Variants in ABI1 observed in about 807,000 individuals in gnomAD.
ABI1 encodes the protein Abelson interactor 1.
Under a neutral mutation model 54.6 loss-of-function variants are expected in ABI1, and 14 were observed. The ratio of observed to expected loss-of-function variants is 0.26; its 90% CI spans 0.17 to 0.40. The LOEUF is 0.40. Among genes scored for constraint, ABI1 ranks in the 10% least tolerant of loss-of-function variants. The pLI is 1.00. For missense variants in ABI1, 443 were observed against 598.3 expected (o/e 0.74, Z 2.71); for synonymous variants, 194 against 209.3 (o/e 0.93, Z 0.63).
At chr10:26,795,895 C>T (rs887827174) in intron 2 of ABI1, among the ~76,000 whole-genome samples, 16 of 152,116 alleles carry the variant, frequency 1.1e-4, no homozygotes, top group African/African-American at 3.4e-4. Context: ...AAAAAACAAT[C>T]CTAAAATCCA....
At chr10:26,817,267 T>C (rs2047634725) in intron 2 of ABI1, among the ~76,000 whole-genome samples, 1 of 152,140 alleles carries the variant, frequency 6.6e-6, no homozygotes, top group Admixed American at 6.6e-5. Context: ...CCCAAAGTGC[T>C]GGGATTACAG....
intron 2 of ABI1, among the ~76,000 whole-genome samples, chr10:26,816,759 A>C (rs1383650312): frequency 6.6e-6 from 1 of 152,080 alleles, no homozygotes; most frequent in African/African-American, 2.4e-5. Context: ...TGTTTTGACA[A>C]AAAATTTTAC....
rs1837144070 is a variant in ABI1 at position 26,748,140 on chromosome 10, A to G, written c.*430T>C. On this transcript the variant is annotated 3_prime_UTR_variant, in exon 11 of 11. Transcript: ENST00000376140. ...GCTTTAAACAAACAGTATTTTTTTTAAATGAGAGAATCTAACAAAAAAAGT... is the reference window on the plus strand; with the variant it reads ...GCTTTAAACAAACAGTATTTTTTTTGAATGAGAGAATCTAACAAAAAAAGT... The G allele has an allele frequency of 4.6e-6, 1 of 216,706 alleles. No individual in the cohort carries two copies. The highest frequency in any genetic ancestry group is 9.3e-6 in the Non-Finnish European group (1 of 107,930). The allele number at this position is 216,706 out of a possible 1,614,324, so 13.4% of individuals were successfully genotyped here.
At chr10:26,748,883 A>G (rs1837254391) in intron 10 of ABI1, 138 bp from the exon 11 acceptor site, 2 of 679,746 alleles carry the variant, frequency 2.9e-6, no homozygotes, top group Non-Finnish European at 4.9e-6. Flanking sequence ...ATCTATCAAT[A>G]TAAGTAGGTC....
chr10:26,753,103 A>G (rs989687013), intron 9 of ABI1, among the ~76,000 whole-genome samples: 1 of 152,168 alleles, frequency 6.6e-6, no homozygotes, highest in Non-Finnish European at 1.5e-5. Context: ...GGTTTAAAAT[A>G]TTTGCAGATA....
Position 26,853,312 on chromosome 10 carries a change from T to TA in ABI1, c.117+7434dup, listed in dbSNP as rs370875442. Among the ~76,000 whole-genome samples the TA allele has an allele frequency of 2.4e-3, 342 of 143,064 alleles. 4 individuals carry two copies. The highest frequency in any genetic ancestry group is 7.2e-3 in the South Asian group (33 of 4,580). The allele number at this position is 143,064 out of a possible 152,430, so 93.9% of individuals were successfully genotyped here. ...TCTCAACAATGCCCTTTTTTTTTTT[T>TA]AAAAAAAATCCCTTTTTTCTAACAT... On this transcript the variant is annotated intron_variant, in intron 1 of 10. Coordinates refer to ENST00000376140, the MANE Select transcript of ABI1 (RefSeq NM_001012750.3).
In ABI1 at chr10:26,860,469, C is replaced by T. The variant is rs1386177578; in HGVS notation, c.117+278G>A. 2.0e-5 allele frequency among the ~76,000 whole-genome samples: 3 copies of T among 152,202 alleles called. No homozygotes were observed. The highest frequency in any genetic ancestry group is 4.4e-5 in the Non-Finnish European group (3 of 68,034). On this transcript the variant is annotated intron_variant, in intron 1 of 10. Transcript: ENST00000376140. The surrounding 1 kb of genome is among the most constrained non-coding windows in gnomAD (Gnocchi z 4.1). Reference sequence around the variant, plus strand: ...GGGGAAGCGGACGCGAGGGGGGCGCCGGGCTGCGGCAGCGGCGGGCTCCCG... The same window carrying T: ...GGGGAAGCGGACGCGAGGGGGGCGCTGGGCTGCGGCAGCGGCGGGCTCCCG...
chr10:26,832,237 C>CATGAA (rs1338878331), intron 1 of ABI1, among the ~76,000 whole-genome samples: 1 of 152,118 alleles, frequency 6.6e-6, no homozygotes, highest in Non-Finnish European at 1.5e-5. Context: ...TACTAGAATT[C>CATGAA]ATGAAATACA....
intron 1 of ABI1, among the ~76,000 whole-genome samples, chr10:26,829,825 G>A (rs895669442): frequency 5.3e-5 from 8 of 152,064 alleles, no homozygotes; most frequent in African/African-American, 1.7e-4. Context: ...TCTTGGATGA[G>A]GAAGGGAGGT....
intron 1 of ABI1, among the ~76,000 whole-genome samples, chr10:26,852,599 G>A (rs891358743): frequency 2.9e-4 from 44 of 152,110 alleles, no homozygotes; most frequent in Non-Finnish European, 4.3e-4. Flanking sequence ...TTTAAGTGGA[G>A]GGCATTAATT....
rs1372175443 is a variant in ABI1, at chr10:26,747,079, G to A, written c.*1491C>T. On this transcript the variant is annotated 3_prime_UTR_variant, in exon 11 of 11. Coordinates refer to ENST00000376140, the MANE Select transcript of ABI1 (RefSeq NM_001012750.3). ...GCATATGAAATAGTCACATTGATTTGGTAGCAATAATGGTCTTTAATTTTC... is the reference window on the plus strand; with the variant it reads ...GCATATGAAATAGTCACATTGATTTAGTAGCAATAATGGTCTTTAATTTTC... The A allele has an allele frequency of 4.4e-6, 1 of 228,368 alleles. No individual in the cohort carries two copies. The highest frequency in any genetic ancestry group is 8.7e-6 in the Non-Finnish European group (1 of 115,062). The allele number at this position is 228,368 out of a possible 1,614,324, so 14.1% of individuals were successfully genotyped here. A position where few individuals can be genotyped will look rare whatever the true frequency, so the allele number is the denominator to read the frequency against.
chr10:26,751,804 G>C lies in ABI1; in HGVS notation c.1085-21C>G, dbSNP rs1397589383. 4 of 1,573,632 alleles carry C rather than the reference G, an allele frequency of 2.5e-6. No homozygotes were observed. In the Admixed American group the frequency reaches 5.6e-5, roughly 22 times the overall value. On this transcript the variant is annotated intron_variant, in intron 9 of 10. Transcript: ENST00000376140. ...AGCAACTAAAAAGATTCATATGATT[G>C]ATTTGAATCAAAAATAAGTCTAGAT...
intron 1 of ABI1, chr10:26,839,663 A>C: frequency 1.7e-6 from 1 of 574,348 alleles, no homozygotes; most frequent in Non-Finnish European, 3.0e-6. Context: ...AAAAAAAAAA[A>C]AAACATGCCA....
chr10:26,823,022 T>C, intron 2 of ABI1, 116 bp downstream of exon 2: 1 of 911,068 alleles, frequency 1.1e-6, no homozygotes, highest in Non-Finnish European at 1.7e-6. Context: ...TAAAACAGTG[T>C]TAATGATTAT....
chr10:26,796,534 CG>C lies in ABI1; in HGVS notation c.286-19294del, dbSNP rs369439664. ...CAGTAGGCTGTACTATCTAGGTTTG[CG>C]TAAGTACACTCTATGATGTTCACAC... is the stretch of plus-strand genomic sequence containing the variant. On this transcript the variant is annotated intron_variant, in intron 2 of 10. Coordinates refer to ENST00000376140, the MANE Select transcript of ABI1 (RefSeq NM_001012750.3). Among the ~76,000 whole-genome samples, 539 of 152,156 alleles carry C rather than the reference CG, an allele frequency of 3.5e-3. 2 individuals carry two copies. The highest frequency in any genetic ancestry group is 0.01 in the Middle Eastern group (3 of 294).
chr10:26,830,274 C>T (rs1020855035), intron 1 of ABI1, among the ~76,000 whole-genome samples: 1 of 151,820 alleles, frequency 6.6e-6, no homozygotes, highest in Non-Finnish European at 1.5e-5. Flanking sequence ...TTGGGTAATA[C>T]CTAAAGATAC....
chr10:26,759,733 C>T (rs1053275511), intron 7 of ABI1, among the ~76,000 whole-genome samples: 66 of 151,914 alleles, frequency 4.3e-4, no homozygotes, highest in African/African-American at 1.6e-3. Flanking sequence ...TGATAAGTCT[C>T]TATCTAGCCA....
At chr10:26,781,081 T>G (rs1564490391) in intron 2 of ABI1, among the ~76,000 whole-genome samples, 1 of 152,178 alleles carries the variant, frequency 6.6e-6, no homozygotes, top group Non-Finnish European at 1.5e-5. Context: ...TATGACCTGT[T>G]TGAGTACAAG....
In ABI1 at chr10:26,841,864, C is replaced by G. The variant is rs527314566; in HGVS notation, c.118-18559G>C. Among the ~76,000 whole-genome samples the G allele has an allele frequency of 1.2e-4, 19 of 152,296 alleles. 1 individual carries two copies. Among genetic ancestry groups the G allele is most frequent in the Admixed American group, 1.2e-3 (18 of 15,296 alleles). On this transcript the variant is annotated intron_variant, in intron 1 of 10. Coordinates refer to ENST00000376140, the MANE Select transcript of ABI1 (RefSeq NM_001012750.3). The stretch of plus-strand genomic sequence containing the variant: ...GTGGACATTCAGGTTGTTTCCACAG[C>G]TTGGCTAATGTAAATAACACTGCAA...
Sources: gnomAD v4.1 joint callset for allele counts (sites outside exome capture counted in the v4.1 genomes callset) on GRCh38, gnomAD v4.1.1 for gene constraint, Gnocchi (gnomAD v3.1) non-coding constraint, MANE v1.5 for transcripts, NCBI Gene and HGNC (gene_info 2026-07-23, HGNC 2026-07-21) for gene names.